The following JAZF1 variants were observed in gnomAD, a reference collection of about 807,000 sequenced individuals.
JAZF1 encodes juxtaposed with another zinc finger protein 1.
In JAZF1, 8 loss-of-function variants were observed where a neutral mutation model predicts 26.4. The observed-to-expected ratio is 0.30, with a 90% CI of 0.18 to 0.55. The LOEUF (loss-of-function observed/expected upper bound fraction) is 0.55, where lower values mean the gene tolerates loss of function less well. Among genes scored for constraint, JAZF1 ranks in the 20% least tolerant of loss-of-function variants. The pLI, the probability that JAZF1 is intolerant of heterozygous loss-of-function variation, is 0.94. For missense variants in JAZF1, 199 were observed against 322.0 expected, an observed-to-expected ratio of 0.62 and a Z score of 2.92; for synonymous variants, 126 against 122.3, an observed-to-expected ratio of 1.03 and a Z score of -0.20.
intron 1 of JAZF1, among the ~76,000 whole-genome samples, chr7:28,133,206 T>C (rs1782824819): frequency 6.6e-6 from 1 of 152,230 alleles, no homozygotes; most frequent in South Asian, 2.1e-4. Flanking sequence ...ACCACATCCA[T>C]TATGCACATT....
At chr7:27,898,233 C>G (rs1189830027) in intron 2 of JAZF1, among the ~76,000 whole-genome samples, 2 of 146,418 alleles carry the variant, frequency 1.4e-5, no homozygotes, top group Admixed American at 6.9e-5. Flanking sequence ...GTGTAAGAGA[C>G]AGAGGGAGAG....
At chr7:27,949,238 G>A (rs185543758) in intron 2 of JAZF1, among the ~76,000 whole-genome samples, 17 of 152,334 alleles carry the variant, frequency 1.1e-4, no homozygotes, top group African/African-American at 4.1e-4. Flanking sequence ...AAGGATTTGC[G>A]ATGCAAGGCA....
At chr7:28,177,996 A>C (rs1209115555) in intron 1 of JAZF1, among the ~76,000 whole-genome samples, 2 of 152,198 alleles carry the variant, frequency 1.3e-5, no homozygotes, top group African/African-American at 2.4e-5. Flanking sequence ...GGGAATTGCA[A>C]GTGTTTGTTC....
intron 1 of JAZF1, among the ~76,000 whole-genome samples, chr7:28,076,709 C>CAAAAA (rs34918786): frequency 1.0e-5 from 1 of 97,448 alleles, no homozygotes; most frequent in Admixed American, 1.2e-4. Flanking sequence ...TTCTCTCTCT[C>CAAAAA]AAAAAAAAAA....
intron 1 of JAZF1, among the ~76,000 whole-genome samples, chr7:28,043,826 T>C (rs1177534976): frequency 2.0e-5 from 3 of 151,700 alleles, no homozygotes; most frequent in Admixed American, 6.6e-5. Flanking sequence ...TACTGATGCA[T>C]GCTACAATAT....
At chr7:28,124,585 T>G (rs1782667469) in intron 1 of JAZF1, among the ~76,000 whole-genome samples, 1 of 152,208 alleles carries the variant, frequency 6.6e-6, no homozygotes, top group South Asian at 2.1e-4. Context: ...TGCAGGGCCA[T>G]GTGCTTCCAA....
At chr7:28,120,874 C>T (rs1782591484) in intron 1 of JAZF1, among the ~76,000 whole-genome samples, 1 of 152,056 alleles carries the variant, frequency 6.6e-6, no homozygotes, top group African/African-American at 2.4e-5. Context: ...AGAACTAAAC[C>T]CTAGGCCCAG....
Position 27,929,382 on chromosome 7 carries a change from C to T in JAZF1, c.189-33966G>A, listed in dbSNP as rs149242668. Among the ~76,000 whole-genome samples, 1,310 of 152,302 alleles carry T rather than the reference C, an allele frequency of 8.6e-3. 20 individuals carry two copies. The highest frequency in any genetic ancestry group is 0.031 in the Middle Eastern group (9 of 294). On this transcript the variant is annotated intron_variant, in intron 2 of 4. Coordinates refer to ENST00000283928, the MANE Select transcript of JAZF1 (RefSeq NM_175061.4). Reference sequence around the variant, plus strand: ...TGGCCAGCAGGCCAGGGAGTGTGTCCAGCAGACCTGTGGAGGAGATCCAGG... The same window carrying T: ...TGGCCAGCAGGCCAGGGAGTGTGTCTAGCAGACCTGTGGAGGAGATCCAGG...
rs1784670484 is a variant in JAZF1 at position 27,930,362 on chromosome 7, A to C, written c.189-34946T>G. On this transcript the variant is annotated intron_variant, in intron 2 of 4. Transcript: ENST00000283928. ...TCAGAACACAGTTATTACAATACTAAAATGTATCTTACATGAAAATATAAA... is the reference window on the plus strand; with the variant it reads ...TCAGAACACAGTTATTACAATACTACAATGTATCTTACATGAAAATATAAA... 2.0e-5 allele frequency among the ~76,000 whole-genome samples: 3 copies of C among 152,214 alleles called. No individual in the cohort carries two copies. In the South Asian group the frequency reaches 6.2e-4, roughly 31 times the overall value.
intron 1 of JAZF1, among the ~76,000 whole-genome samples, chr7:28,087,320 A>C (rs936941615): frequency 7.3e-6 from 1 of 137,706 alleles, no homozygotes; most frequent in Non-Finnish European, 1.5e-5. Flanking sequence ...CTTTAGAAGT[A>C]AAAAAAAAAA....
intron 1 of JAZF1, among the ~76,000 whole-genome samples, chr7:28,096,363 G>C (rs1784384693): frequency 6.6e-6 from 1 of 152,240 alleles, no homozygotes; most frequent in Non-Finnish European, 1.5e-5. Context: ...ATTCTCTGAA[G>C]GTTAACTTGA....
intron 2 of JAZF1, among the ~76,000 whole-genome samples, chr7:27,912,891 G>A (rs1288078737): frequency 2.0e-5 from 3 of 152,096 alleles, no homozygotes; most frequent in African/African-American, 4.8e-5. Flanking sequence ...CCTTTCCCCT[G>A]TCATCACTCG....
At chr7:27,942,315 T>TA (rs762714954) in intron 2 of JAZF1, among the ~76,000 whole-genome samples, 2 of 152,234 alleles carry the variant, frequency 1.3e-5, no homozygotes, top group Non-Finnish European at 2.9e-5. Flanking sequence ...AAAGCTACCC[T>TA]ACCCAGATCA....
chr7:27,966,368 A>G (rs1332407498), intron 2 of JAZF1, among the ~76,000 whole-genome samples: 4 of 152,220 alleles, frequency 2.6e-5, no homozygotes, highest in African/African-American at 9.6e-5. Flanking sequence ...GAGAAATGAA[A>G]CCTTGGTTTG....
intron 3 of JAZF1, among the ~76,000 whole-genome samples, chr7:27,880,862 C>T (rs1783756826): frequency 6.6e-6 from 1 of 152,094 alleles, no homozygotes; most frequent in Non-Finnish European, 1.5e-5. Flanking sequence ...GAGACAGGGT[C>T]CCCCTGTGTT....
intron 3 of JAZF1, among the ~76,000 whole-genome samples, chr7:27,883,937 G>A (rs1783814537): frequency 6.6e-6 from 1 of 152,274 alleles, no homozygotes; most frequent in African/African-American, 2.4e-5. Context: ...TTTCTTCAAT[G>A]AACAGGAAAT....
intron 1 of JAZF1, among the ~76,000 whole-genome samples, chr7:28,156,520 A>G (rs954512619): frequency 1.3e-5 from 2 of 152,272 alleles, no homozygotes; most frequent in African/African-American, 4.8e-5. Context: ...CAAAATGTTC[A>G]TTCAGTGAAG....
intron 2 of JAZF1, among the ~76,000 whole-genome samples, chr7:27,904,504 A>C (rs1784216951): frequency 6.6e-6 from 1 of 152,212 alleles, no homozygotes; most frequent in African/African-American, 2.4e-5. Context: ...TTTTCAGTAG[A>C]AAAGAGAAAA....
intron 1 of JAZF1, among the ~76,000 whole-genome samples, chr7:28,038,273 G>A (rs1167001135): frequency 6.6e-6 from 1 of 152,134 alleles, no homozygotes; most frequent in Non-Finnish European, 1.5e-5. Flanking sequence ...CTTTGGGATG[G>A]GGGAATGATT....
Sources: gnomAD v4.1 joint callset for allele counts (sites outside exome capture counted in the v4.1 genomes callset) on GRCh38, gnomAD v4.1.1 for gene constraint, MANE v1.5 for transcripts, NCBI Gene and HGNC (gene_info 2026-07-23, HGNC 2026-07-21) for gene names.